The following ICA1L variants were observed in gnomAD, a reference collection of about 807,000 sequenced individuals.
ICA1L encodes islet cell autoantigen 1-like protein.
Under a neutral mutation model 61.3 loss-of-function variants are expected in ICA1L, and 50 were observed. The observed-to-expected ratio is 0.82, with a 90% CI of 0.65 to 1.03. ICA1L has a LOEUF of 1.03. Ranked by LOEUF, ICA1L falls within the 50% of genes least tolerant of loss-of-function variation. The probability of loss-of-function intolerance (pLI) is 0.00; values close to 1 mark genes in which losing one functional copy is unlikely to be tolerated. For missense variants in ICA1L, 508 were observed against 556.7 expected (o/e 0.91, Z 0.88); for synonymous variants, 161 against 191.3 (o/e 0.84, Z 1.31).
intron 1 of ICA1L, among the ~76,000 whole-genome samples, chr2:202,864,262 G>C (rs971972538): frequency 6.8e-6 from 1 of 147,182 alleles, no homozygotes; most frequent in Admixed American, 6.8e-5. Flanking sequence ...TTTTTTTTTC[G>C]AGACGGAGTC....
At chr2:202,839,250 C>T (rs1694243411) in intron 1 of ICA1L, among the ~76,000 whole-genome samples, 1 of 151,950 alleles carries the variant, frequency 6.6e-6, no homozygotes, top group Admixed American at 6.6e-5. Flanking sequence ...CCTGTAATCC[C>T]AGCACTTTGG....
At chr2:202,791,017 A>G (rs1484562258) in intron 10 of ICA1L, among the ~76,000 whole-genome samples, 1 of 152,220 alleles carries the variant, frequency 6.6e-6, no homozygotes, top group African/African-American at 2.4e-5. Flanking sequence ...GATGCTCTCA[A>G]AACAGTGGAG....
At chr2:202,813,085 T>G (rs1407664155) in intron 8 of ICA1L, among the ~76,000 whole-genome samples, 2 of 151,838 alleles carry the variant, frequency 1.3e-5, no homozygotes, top group Non-Finnish European at 2.9e-5. Flanking sequence ...ATAGTGAAAC[T>G]CCATCTCTAC....
intron 1 of ICA1L, among the ~76,000 whole-genome samples, chr2:202,844,812 T>A (rs1163491611): frequency 6.6e-6 from 1 of 152,184 alleles, no homozygotes; most frequent in Admixed American, 6.5e-5. Flanking sequence ...GATCACAAAC[T>A]TAGTAACTTA....
In ICA1L at chr2:202,849,161, C is replaced by T. The variant is rs1181279467; in HGVS notation, c.-7-20145G>A. 6.6e-6 allele frequency among the ~76,000 whole-genome samples: 1 copy of T among 152,172 alleles called. No individual in the cohort carries two copies. The highest frequency in any genetic ancestry group is 1.5e-5 in the Non-Finnish European group (1 of 68,030). On this transcript the variant is annotated intron_variant, in intron 1 of 12. Coordinates refer to ENST00000358299, the MANE Select transcript of ICA1L (RefSeq NM_001288622.3). This position sits in a 1 kb window ranked among gnomAD's most constrained non-coding sequence, Gnocchi z 4.5. The stretch of plus-strand genomic sequence containing the variant: ...AAGATTCCCACATGTGCCTATACCA[C>T]CAGGGCCCTGGGTTTCAAGCACAAA...
rs1396851567 is a variant in ICA1L at position 202,773,541 on chromosome 2, C to T, written c.*5992G>A. ...GTTATGTCAGAGCCTTCAAAAAACA[C>T]GGGCAGAACAAGAGTACAATAAAAG... On this transcript the variant is annotated 3_prime_UTR_variant, in exon 13 of 13. Coordinates refer to ENST00000358299, the MANE Select transcript of ICA1L (RefSeq NM_001288622.3). The T allele has an allele frequency of 2.7e-5, 10 of 373,942 alleles. No homozygotes were observed. The highest frequency in any genetic ancestry group is 3.9e-5 in the Non-Finnish European group (8 of 207,708). 23.2% of individuals were successfully genotyped at this position (373,942 alleles called of 1,614,324 possible). A position where few individuals can be genotyped will look rare whatever the true frequency, so the allele number is the denominator to read the frequency against.
In ICA1L at chr2:202,861,936, C is replaced by T. The variant is rs536600909; in HGVS notation, c.-8+9683G>A. Among the ~76,000 whole-genome samples the T allele has an allele frequency of 3.6e-3, 520 of 143,266 alleles. 3 individuals are homozygous for T. The highest frequency in any genetic ancestry group is 5.7e-3 in the Non-Finnish European group (373 of 65,972). 94.0% of individuals were successfully genotyped at this position (143,266 alleles called of 152,430 possible). On this transcript the variant is annotated intron_variant, in intron 1 of 12. Coordinates refer to ENST00000358299, the MANE Select transcript of ICA1L (RefSeq NM_001288622.3). ...ACCATGAAAGTTTTAAGCAAGCCTC[C>T]GCCTTTTTTTTTTTTTTTTTGAGCA...
intron 12 of ICA1L, among the ~76,000 whole-genome samples, chr2:202,785,246 A>T (rs1478245152): frequency 1.3e-5 from 2 of 151,924 alleles, no homozygotes; most frequent in African/African-American, 4.8e-5. Flanking sequence ...AAGAAAAGAA[A>T]AAGGTTAATA....
At chr2:202,862,837 TA>T (rs548270259) in intron 1 of ICA1L, among the ~76,000 whole-genome samples, 20 of 145,426 alleles carry the variant, frequency 1.4e-4, no homozygotes, top group Admixed American at 2.1e-4. Flanking sequence ...GACTTCATCT[TA>T]AAAAAAAAAG....
chr2:202,840,208 T>G, intron 1 of ICA1L: 1 of 368,978 alleles, frequency 2.7e-6, no homozygotes, highest in Non-Finnish European at 5.3e-6. Context: ...ACGGGTGGGC[T>G]GAGGGCTAGG....
At chr2:202,789,779 TTAAG>T (rs1692691837) in intron 10 of ICA1L, among the ~76,000 whole-genome samples, 1 of 152,170 alleles carries the variant, frequency 6.6e-6, no homozygotes, top group African/African-American at 2.4e-5. Flanking sequence ...ATCCATGGTG[TTAAG>T]TAAAATGTAT....
At chr2:202,794,345 C>CAA (rs202022262) in intron 10 of ICA1L, among the ~76,000 whole-genome samples, 5,976 of 90,604 alleles carry the variant, frequency 0.066, 268 homozygotes, top group Non-Finnish European at 0.096. Flanking sequence ...GACTCCATCT[C>CAA]AAAAAAAAAA....
At chr2:202,784,355 G>T (rs1371895449) in intron 12 of ICA1L, among the ~76,000 whole-genome samples, 1 of 152,172 alleles carries the variant, frequency 6.6e-6, no homozygotes, top group African/African-American at 2.4e-5. Flanking sequence ...TGAGGCAGGA[G>T]AATCACTTGA....
intron 1 of ICA1L, among the ~76,000 whole-genome samples, chr2:202,847,779 T>C (rs888164252): frequency 2.1e-5 from 3 of 145,904 alleles, no homozygotes; most frequent in Non-Finnish European, 4.5e-5. Flanking sequence ...ATACAGGCAC[T>C]TGTATGTTCA....
chr2:202,808,772 C>A (rs1000143642), intron 9 of ICA1L, among the ~76,000 whole-genome samples: 2 of 152,200 alleles, frequency 1.3e-5, no homozygotes, highest in African/African-American at 4.8e-5. Context: ...AAGACCACCA[C>A]GGCAGTATCT....
At chr2:202,805,898 G>C (rs2105838367) in intron 9 of ICA1L, among the ~76,000 whole-genome samples, 1 of 152,298 alleles carries the variant, frequency 6.6e-6, no homozygotes, top group East Asian at 1.9e-4. Flanking sequence ...TGTATTTGTG[G>C]GGTATAGGAT....
intron 11 of ICA1L, among the ~76,000 whole-genome samples, chr2:202,788,535 C>T (rs1692655427): frequency 6.6e-6 from 1 of 152,004 alleles, no homozygotes; most frequent in African/African-American, 2.4e-5. Flanking sequence ...TATTGACTGC[C>T]CTAGGTAGGA....
intron 3 of ICA1L, among the ~76,000 whole-genome samples, chr2:202,824,756 T>G (rs1559139317): frequency 6.6e-6 from 1 of 151,930 alleles, no homozygotes; most frequent in African/African-American, 2.4e-5. Flanking sequence ...CCACTGTAAT[T>G]AAAAAAGGAG....
At chr2:202,834,971 C>T (rs1426067488) in intron 1 of ICA1L, among the ~76,000 whole-genome samples, 2 of 152,078 alleles carry the variant, frequency 1.3e-5, no homozygotes, top group African/African-American at 4.8e-5. Context: ...GCTGGGACCA[C>T]AGGCAACACA....
Sources: allele counts gnomAD v4.1 joint callset (sites outside exome capture counted in the v4.1 genomes callset), GRCh38; gene constraint gnomAD v4.1.1; non-coding constraint Gnocchi (gnomAD v3.1); transcripts MANE v1.5; gene names NCBI Gene and HGNC (gene_info 2026-07-23, HGNC 2026-07-21).